The following TLR7 variants were observed in gnomAD, a reference collection of about 807,000 sequenced individuals.
The protein encoded by TLR7 is toll-like receptor 7.
In TLR7, 12 loss-of-function variants were observed where a neutral mutation model predicts 38.3. The observed-to-expected ratio is 0.31, with a 90% confidence interval of 0.20 to 0.51. The LOEUF is 0.51. Ranked by LOEUF, TLR7 falls within the 20% of genes least tolerant of loss-of-function variation. TLR7 has a pLI of 0.98. For synonymous variants in TLR7, 285 were observed against 293.8 expected (o/e 0.97, Z 0.31); for missense variants, 504 against 743.4 (o/e 0.68, Z 3.74).
rs200693848 is a variant in TLR7, at chrX:12,888,956, A to G, written c.*298A>G. ...GGGCTCTGATTCTCCTGTAATTGTG[A>G]TAATTAAATATACACACAATCATGA... On this transcript the variant is annotated 3_prime_UTR_variant, in exon 3 of 3. Transcript: ENST00000380659. 5.0e-5 allele frequency: 12 copies of G among 238,427 alleles called. No homozygotes were observed. Among genetic ancestry groups the G allele is most frequent in the Non-Finnish European group, 7.4e-5 (10 of 134,339 alleles). 19.6% of individuals were successfully genotyped at this position (238,427 alleles called of 1,213,427 possible).
chrX:12,867,487 C>A lies in TLR7; in HGVS notation c.-92C>A. The A allele has an allele frequency of 1.3e-6, 1 of 783,670 alleles. No homozygotes were observed. The highest frequency in any genetic ancestry group is 1.9e-6 in the Non-Finnish European group (1 of 515,337). 64.6% of individuals were successfully genotyped at this position (783,670 alleles called of 1,213,427 possible). A position where few individuals can be genotyped will look rare whatever the true frequency, so the allele number is the denominator to read the frequency against. On this transcript the variant is annotated 5_prime_UTR_variant, in exon 2 of 3. Transcript: ENST00000380659. Reference sequence around the variant, plus strand: ...TGTCTTCTCTTTCTCTTAGTTGATGCTATTGGGCCCATCTCAAGCTGATCT... The same window carrying A: ...TGTCTTCTCTTTCTCTTAGTTGATGATATTGGGCCCATCTCAAGCTGATCT...
chrX:12,888,706 G>T lies in TLR7; in HGVS notation c.*48G>T. ...GCCTAGTTTACCAAGGAGAGGCCTG[G>T]CTGTTTAAATTGTTTTCATATATAT... is the stretch of plus-strand genomic sequence containing the variant. On this transcript the variant is annotated 3_prime_UTR_variant, in exon 3 of 3. Transcript: ENST00000380659. 1 of 1,125,745 alleles carries T rather than the reference G, an allele frequency of 8.9e-7. No individual in the cohort carries two copies. Among genetic ancestry groups the T allele is most frequent in the East Asian group, 3.0e-5 (1 of 33,172 alleles). The allele number at this position is 1,125,745 out of a possible 1,213,427, so 92.8% of individuals were successfully genotyped here.
At chrX:12,882,190 C>G (rs182116887) in intron 2 of TLR7, among the ~76,000 whole-genome samples, 39 of 111,549 alleles carry the variant, frequency 3.5e-4, no homozygotes, top group Admixed American at 3.3e-3. Context: ...GTCAGAACAC[C>G]CTTGATATAA....
chrX:12,878,827 G>T (rs2042881922), intron 2 of TLR7, among the ~76,000 whole-genome samples: 1 of 111,788 alleles, frequency 8.9e-6, no homozygotes, highest in South Asian at 3.7e-4. Flanking sequence ...GGCTTTCATT[G>T]TCTACTAGAA....
At chrX:12,872,667 A>G (rs760053349) in intron 2 of TLR7, among the ~76,000 whole-genome samples, 3 of 110,459 alleles carry the variant, frequency 2.7e-5, no homozygotes, top group African/African-American at 9.9e-5. Context: ...ACCTCCTAGA[A>G]ATGTTTGCTG....
rs748655746 is a variant in TLR7 at position 12,886,395 on chromosome X, G to A, written c.887G>A (p.Arg296His). 2.5e-6 allele frequency: 3 copies of A among 1,211,394 alleles called. No homozygotes were observed. Among genetic ancestry groups the A allele is most frequent in the East Asian group, 5.9e-5 (2 of 33,858 alleles). ...FDALTELKVL[R>H]LHSNSLQHVP... is the part of the protein sequence containing the mutation. ...GCGCTGACAGAATTAAAAGTTTTAC[G>A]TCTACACAGTAACTCTCTTCAGCAT... The change falls in exon 3 of 3, where the codon CGT (arginine) becomes CAT (histidine). Residue 296 changes from arginine to histidine, a missense_variant. Transcript: ENST00000380659.
rs146631851 is a variant in TLR7 at position 12,867,750 on chromosome X, T to C, written c.3+169T>C. ...CATTAATGAAGGGGGCATGTCACAA[T>C]TTCAGATTAATCAACGCTTGCTCTG... On this transcript the variant is annotated intron_variant, in intron 2 of 2. Transcript: ENST00000380659. Among the ~76,000 whole-genome samples, 632 of 112,674 alleles carry C rather than the reference T, an allele frequency of 5.6e-3. 6 individuals carry two copies. Among genetic ancestry groups the C allele is most frequent in the African/African-American group, 0.02 (621 of 31,055 alleles).
chrX:12,881,029 C>A (rs1470453654), intron 2 of TLR7, among the ~76,000 whole-genome samples: 1 of 109,752 alleles, frequency 9.1e-6, no homozygotes, highest in Non-Finnish European at 1.9e-5. Context: ...GCATTCCAGA[C>A]CAGCCTAACC....
chrX:12,888,224 G>A lies in TLR7; in HGVS notation c.2716G>A (p.Glu906Lys), dbSNP rs202022420. ...TGACACTAAAGACCCAGCTGTGACC[G>A]AGTGGGTTTTGGCTGAGCTGGTGGC... ...VYDTKDPAVT[E>K]WVLAELVAKL... Residue 906 changes from glutamate (E) to lysine (K), a missense_variant, in exon 3 of 3, where the codon GAG becomes AAG. By Grantham distance (56) the Glu-to-Lys change is moderately conservative. Transcript: ENST00000380659. 26 of 1,209,587 alleles carry A rather than the reference G, an allele frequency of 2.1e-5. No individual in the cohort carries two copies. Among genetic ancestry groups the A allele is most frequent in the East Asian group, 5.9e-5 (2 of 33,783 alleles).
At position 12,874,276 on chromosome X, in the gene TLR7, G is replaced by A. The variant is rs893437290; in HGVS notation, c.3+6695G>A. On this transcript the variant is annotated intron_variant, in intron 2 of 2. Transcript: ENST00000380659. ...CAGAGGTTGCGGTGATCCAAGATCG[G>A]GCCAGTGTACTCCAGCCTGGGCGAC... Among the ~76,000 whole-genome samples, 4 of 111,059 alleles carry A rather than the reference G, an allele frequency of 3.6e-5. 1 individual carries two copies. In the South Asian group the frequency reaches 1.5e-3, roughly 42 times the overall value.
rs952821919 is a variant in TLR7, at chrX:12,885,551, C to A, written c.43C>A (p.Leu15Ile). Reference protein sequence around the residue: ...MWTLKRQILILFNIILISKLL... With the variant: ...MWTLKRQILIIFNIILISKLL... ...GACACTGAAGAGACAAATTCTTATC[C>A]TTTTTAACATAATCCTAATTTCCAA... Residue 15 changes from leucine to isoleucine, a missense_variant, in exon 3 of 3, where the codon CTT (leucine) becomes ATT (isoleucine). Leu to Ile is a conservative substitution (Grantham distance 5). Coordinates refer to ENST00000380659, the MANE Select transcript of TLR7 (RefSeq NM_016562.4). The A allele has an allele frequency of 8.3e-7, 1 of 1,206,891 alleles. No individual in the cohort carries two copies. Among genetic ancestry groups the A allele is most frequent in the Non-Finnish European group, 1.1e-6 (1 of 891,866 alleles).
intron 2 of TLR7, among the ~76,000 whole-genome samples, chrX:12,869,564 A>G (rs1235002859): frequency 4.5e-5 from 5 of 110,698 alleles, no homozygotes; most frequent in Admixed American, 2.9e-4. Flanking sequence ...AGGGAGGGGA[A>G]CAACACTCAC....
Position 12,886,972 on chromosome X carries a change from T to A in TLR7, c.1464T>A (p.Asn488Lys), listed in dbSNP as rs1377410128. ...KNKEASFMSV[N>K]ESCYKYGQTL... ...AAGAGGCTTCTTTCATGTCTGTTAA[T>A]GAAAGCTGCTACAAGTATGGGCAGA... The change falls in exon 3 of 3, where the codon AAT becomes AAA. Residue 488 changes from asparagine (N) to lysine (K), a missense_variant. Transcript: ENST00000380659. 1 of 1,210,420 alleles carries A rather than the reference T, an allele frequency of 8.3e-7. No homozygotes were observed. Among genetic ancestry groups the A allele is most frequent in the Admixed American group, 2.2e-5 (1 of 45,786 alleles).
chrX:12,880,309 T>C (rs956745971), intron 2 of TLR7, among the ~76,000 whole-genome samples: 41 of 112,040 alleles, frequency 3.7e-4, no homozygotes, highest in African/African-American at 1.2e-3. Flanking sequence ...GCACAGAACC[T>C]GCCTCAGAGG....
rs202076217 is a variant in TLR7 at position 12,888,844 on chromosome X, A to G, written c.*186A>G. The G allele has an allele frequency of 1.3e-5, 5 of 391,470 alleles. No individual in the cohort carries two copies. Among genetic ancestry groups the G allele is most frequent in the East Asian group, 4.1e-5 (1 of 24,258 alleles). 32.3% of individuals were successfully genotyped at this position (391,470 alleles called of 1,213,427 possible). ...AAGATGGGGTTTATATAATGCATCA[A>G]GTCTTCTTTCTTATCTCTCTGTGTC... On this transcript the variant is annotated 3_prime_UTR_variant, in exon 3 of 3. Coordinates refer to ENST00000380659, the MANE Select transcript of TLR7 (RefSeq NM_016562.4).
At chrX:12,879,601 TG>T (rs1283987582) in intron 2 of TLR7, among the ~76,000 whole-genome samples, 1 of 110,385 alleles carries the variant, frequency 9.1e-6, no homozygotes, top group Non-Finnish European at 1.9e-5. Flanking sequence ...TTGCCCAAGA[TG>T]GCTGGCTACA....
intron 1 of TLR7, 94 bp downstream of exon 1, chrX:12,867,217 A>T: frequency 6.6e-6 from 1 of 152,361 alleles, no homozygotes; most frequent in Non-Finnish European, 1.3e-5. Flanking sequence ...GGGAACCGAA[A>T]TCATATGCAC....
Position 12,887,110 on chromosome X carries a change from T to A in TLR7, c.1602T>A (p.Asn534Lys). Residue 534 changes from asparagine (N) to lysine (K), a missense_variant, in exon 3 of 3, where the codon AAT (asparagine) becomes AAA (lysine). Transcript: ENST00000380659. ...GAAATCTCATTAGCCAAACTCTTAA[T>A]GGCAGTGAATTCCAACCTTTAGCAG... ...LSGNLISQTL[N>K]GSEFQPLAEL... The A allele has an allele frequency of 8.3e-7, 1 of 1,211,495 alleles. No homozygotes were observed. Among genetic ancestry groups the A allele is most frequent in the Non-Finnish European group, 1.1e-6 (1 of 895,258 alleles).
At position 12,889,342 on chromosome X, in the gene TLR7, G is replaced by A. The variant is rs900620161; in HGVS notation, c.*684G>A. Reference sequence around the variant, plus strand: ...GAACCCGGGAGGTGGAGGTGGCAGTGAGCCGAGATCACGCCACTGCAATGC... The same window carrying A: ...GAACCCGGGAGGTGGAGGTGGCAGTAAGCCGAGATCACGCCACTGCAATGC... On this transcript the variant is annotated 3_prime_UTR_variant, in exon 3 of 3. Coordinates refer to ENST00000380659, the MANE Select transcript of TLR7 (RefSeq NM_016562.4). 1 of 110,000 alleles carries A rather than the reference G, an allele frequency of 9.1e-6. No individual in the cohort carries two copies. Among genetic ancestry groups the A allele is most frequent in the Non-Finnish European group, 1.9e-5 (1 of 52,696 alleles). 9.1% of individuals were successfully genotyped at this position (110,000 alleles called of 1,213,427 possible).
Sources: gnomAD v4.1 joint callset for allele counts (sites outside exome capture counted in the v4.1 genomes callset) on GRCh38, gnomAD v4.1.1 for gene constraint, MANE v1.5 for transcripts, NCBI Gene and HGNC (gene_info 2026-07-23, HGNC 2026-07-21) for gene names.